The following FRAS1 variants were observed in gnomAD, a reference collection of about 807,000 sequenced individuals.
The protein encoded by FRAS1 is Fraser extracellular matrix complex subunit 1.
In FRAS1, 290 loss-of-function variants were observed where a neutral mutation model predicts 435.2. The observed-to-expected ratio is 0.67, with a 90% confidence interval of 0.61 to 0.73. FRAS1 has a LOEUF of 0.73. Ranked by LOEUF, FRAS1 falls within the 30% of genes least tolerant of loss-of-function variation. FRAS1 has a pLI of 0.00. For missense variants in FRAS1, 4,860 were observed against 5,001.5 expected (o/e 0.97, Z 0.85); for synonymous variants, 1,800 against 1,851.0 (o/e 0.97, Z 0.71).
intron 2 of FRAS1, among the ~76,000 whole-genome samples, chr4:78,218,133 C>CACACACACACACAA (rs1473736987): frequency 2.2e-5 from 3 of 133,680 alleles, no homozygotes; most frequent in African/African-American, 8.7e-5. Flanking sequence ...CACACACACA[C>CACACACACACACAA]AAGTTGTATT....
intron 2 of FRAS1, among the ~76,000 whole-genome samples, chr4:78,190,604 C>G (rs2110063117): frequency 6.6e-6 from 1 of 151,872 alleles, no homozygotes; most frequent in African/African-American, 2.4e-5. Flanking sequence ...CCCCCATCCC[C>G]CCACCACACC....
At chr4:78,422,067 C>G in intron 34 of FRAS1, 67 bp downstream of exon 34, 1 of 1,508,802 alleles carries the variant, frequency 6.6e-7, no homozygotes, top group Non-Finnish European at 8.9e-7. Context: ...CAGGCTCGCC[C>G]TAACTCTCCC....
At chr4:78,346,499 A>T (rs1207610185) in intron 20 of FRAS1, among the ~76,000 whole-genome samples, 1 of 152,128 alleles carries the variant, frequency 6.6e-6, no homozygotes, top group Non-Finnish European at 1.5e-5. Flanking sequence ...CACATATATG[A>T]TCACTGTGTC....
chr4:78,326,274 G>A (rs562237289), intron 18 of FRAS1, among the ~76,000 whole-genome samples: 2 of 152,314 alleles, frequency 1.3e-5, no homozygotes, highest in East Asian at 1.9e-4. Flanking sequence ...CTGTGGGAAG[G>A]TGGGATAGAT....
chr4:78,116,588 C>T (rs1042478093), intron 2 of FRAS1, among the ~76,000 whole-genome samples: 3 of 152,108 alleles, frequency 2.0e-5, no homozygotes, highest in African/African-American at 4.8e-5. Context: ...TACGTAATGG[C>T]CTTCTTTGTC....
At chr4:78,255,412 C>T (rs758770520) in intron 6 of FRAS1, 37 bp downstream of exon 6, 1 of 1,543,782 alleles carries the variant, frequency 6.5e-7, no homozygotes, top group Non-Finnish European at 8.7e-7. Context: ...CCTTCACGGG[C>T]TATTGAAGAA....
At chr4:78,156,619 T>A (rs1020244001) in intron 2 of FRAS1, among the ~76,000 whole-genome samples, 2 of 152,210 alleles carry the variant, frequency 1.3e-5, no homozygotes, top group South Asian at 4.1e-4. Context: ...CTGTTGTTTT[T>A]CTGTGACCTA....
chr4:78,521,580 G>C lies in FRAS1; in HGVS notation c.10598G>C (p.Arg3533Pro). The change falls in exon 68 of 74, where the codon CGA becomes CCA. Residue 3533 changes from arginine (R) to proline (P), a missense_variant. Arg to Pro is a moderately radical substitution (Grantham distance 103). Coordinates refer to ENST00000512123, the MANE Select transcript of FRAS1 (RefSeq NM_025074.7). Reference protein sequence around the residue: ...ARLQIIRIYIREDGRLVIEFK... With the variant: ...ARLQIIRIYIPEDGRLVIEFK... ...CTTCAGATAATAAGAATCTACATTC[G>C]AGAGGATGGCCGTCTTGTCATTGAA... 6.2e-7 allele frequency: 1 copy of C among 1,611,198 alleles called. No homozygotes were observed. Among genetic ancestry groups the C allele is most frequent in the East Asian group, 2.2e-5 (1 of 44,746 alleles).
At chr4:78,441,814 G>C (rs1734670851) in intron 41 of FRAS1, among the ~76,000 whole-genome samples, 1 of 152,158 alleles carries the variant, frequency 6.6e-6, no homozygotes, top group African/African-American at 2.4e-5. Context: ...TATATGATAT[G>C]AATTAAAATG....
chr4:78,424,462 C>T (rs1402354768), intron 35 of FRAS1, 42 bp downstream of exon 35: 1 of 1,080,976 alleles, frequency 9.3e-7, no homozygotes, highest in Admixed American at 3.2e-5. Context: ...GAAATTTTTT[C>T]TTTCCTTATT....
intron 22 of FRAS1, 30 bp from the exon 23 acceptor site, chr4:78,369,808 T>C: frequency 1.3e-6 from 2 of 1,595,304 alleles, no homozygotes; most frequent in South Asian, 1.1e-5. Flanking sequence ...ATTGTAATCA[T>C]CTGGTCATTT....
intron 7 of FRAS1, among the ~76,000 whole-genome samples, chr4:78,265,379 A>C (rs1189535417): frequency 1.3e-5 from 2 of 152,036 alleles, no homozygotes; most frequent in Non-Finnish European, 2.9e-5. Context: ...CTTGAGGGGG[A>C]AAAAAAGGGC....
In FRAS1 at chr4:78,146,836, G is replaced by A. The variant is rs1375321846; in HGVS notation, c.108+80820G>A. ...TACATTATAATTTCATTGATTTCTT[G>A]TATCACTTTTAGGTTTTTTTTGTGA... is the stretch of plus-strand genomic sequence containing the variant. On this transcript the variant is annotated intron_variant, in intron 2 of 73. Coordinates refer to ENST00000512123, the MANE Select transcript of FRAS1 (RefSeq NM_025074.7). Among the ~76,000 whole-genome samples the A allele has an allele frequency of 2.6e-5, 4 of 151,940 alleles. No individual in the cohort carries two copies. In the South Asian group the frequency reaches 8.3e-4, roughly 31 times the overall value.
intron 18 of FRAS1, chr4:78,319,753 C>A (rs62309887): frequency 0.058 from 11,092 of 190,662 alleles, 447 homozygotes; most frequent in Non-Finnish European, 0.086. Context: ...AGTAAGCATG[C>A]TGCAAATTCA....
intron 70 of FRAS1, 53 bp downstream of exon 70, chr4:78,526,710 C>G (rs1314624428): frequency 8.9e-6 from 10 of 1,120,708 alleles, no homozygotes; most frequent in Non-Finnish European, 1.3e-5. Context: ...TTTGTGAATT[C>G]TCCTACTCAC....
chr4:78,401,717 CAG>C (rs1732900561), intron 30 of FRAS1, among the ~76,000 whole-genome samples: 1 of 145,322 alleles, frequency 6.9e-6, no homozygotes, highest in Non-Finnish European at 1.5e-5. Context: ...TTCTTGGAGT[CAG>C]AGTAGAAAAA....
chr4:78,344,780 A>G (rs1730542262), intron 20 of FRAS1, among the ~76,000 whole-genome samples: 1 of 152,128 alleles, frequency 6.6e-6, no homozygotes, highest in Non-Finnish European at 1.5e-5. Flanking sequence ...TTTCCATTGT[A>G]TTTGATCCTT....
intron 66 of FRAS1, 67 bp downstream of exon 66, chr4:78,516,080 G>A: frequency 7.8e-7 from 1 of 1,283,544 alleles, no homozygotes; most frequent in Non-Finnish European, 1.1e-6. Context: ...GTTTGTTCCT[G>A]AAGCACTTCA....
intron 12 of FRAS1, 41 bp from the exon 13 acceptor site, chr4:78,284,364 G>A: frequency 6.4e-7 from 1 of 1,568,434 alleles, no homozygotes; most frequent in Non-Finnish European, 8.7e-7. Context: ...AATAATAGAT[G>A]GAGTTCACAG....
Sources: allele counts gnomAD v4.1 joint callset (sites outside exome capture counted in the v4.1 genomes callset), GRCh38; gene constraint gnomAD v4.1.1; transcripts MANE v1.5; gene names NCBI Gene and HGNC (gene_info 2026-07-23, HGNC 2026-07-21).